The following ANKRD17 variants were observed in gnomAD, a reference collection of about 807,000 sequenced individuals.
ANKRD17 encodes the protein ankyrin repeat domain-containing protein 17.
In ANKRD17, 19 loss-of-function variants were observed where a neutral mutation model predicts 229.7. That is an observed-to-expected ratio of 0.08 (90% CI 0.06 to 0.12). The LOEUF is 0.12. Ranked by LOEUF, ANKRD17 falls within the 10% of genes least tolerant of loss-of-function variation. ANKRD17 has a pLI of 1.00. For synonymous variants in ANKRD17, 1,112 were observed against 1,146.1 expected, an observed-to-expected ratio of 0.97 and a Z score of 0.60; for missense variants, 2,176 against 3,176.8, an observed-to-expected ratio of 0.68 and a Z score of 7.57.
intron 1 of ANKRD17, among the ~76,000 whole-genome samples, chr4:73,200,987 C>CG (rs55813807): frequency 0.14 from 5,334 of 39,220 alleles, 442 homozygotes; most frequent in African/African-American, 0.29. Context: ...ACAGTATGGG[C>CG]GGGGGGGGGG....
At chr4:73,094,720 A>ATT (rs1723118392) in intron 27 of ANKRD17, among the ~76,000 whole-genome samples, 1 of 112,612 alleles carries the variant, frequency 8.9e-6, no homozygotes, top group Admixed American at 1.0e-4. Context: ...ACATGTATAT[A>ATT]TGTGTATATA....
In ANKRD17 at chr4:73,230,537, C is replaced by A. The variant is rs539074809; in HGVS notation, c.393+27739G>T. 2.4e-3 allele frequency among the ~76,000 whole-genome samples: 366 copies of A among 152,232 alleles called. 2 individuals are homozygous for A. The highest frequency in any genetic ancestry group is 0.016 in the South Asian group (76 of 4,820). ...AAGAGGCTATAATCTAGAACACAATCCTGATTCTTGACAATGTTTAATACT... is the reference window on the plus strand; with the variant it reads ...AAGAGGCTATAATCTAGAACACAATACTGATTCTTGACAATGTTTAATACT... On this transcript the variant is annotated intron_variant, in intron 1 of 33. Transcript: ENST00000358602.
intron 1 of ANKRD17, among the ~76,000 whole-genome samples, chr4:73,250,407 C>T (rs979297600): frequency 1.3e-5 from 2 of 151,482 alleles, no homozygotes; most frequent in African/African-American, 4.9e-5. Flanking sequence ...TTGCGACCAG[C>T]CGGGCAAACA....
intron 25 of ANKRD17, chr4:73,098,742 G>A (rs1723593715): frequency 1.0e-6 from 1 of 967,572 alleles, no homozygotes; most frequent in East Asian, 2.6e-5. Context: ...AATATTTTGG[G>A]GGGCATTTCT....
At chr4:73,258,173 G>A in intron 1 of ANKRD17, 103 bp downstream of exon 1, 6 of 1,565,098 alleles carry the variant, frequency 3.8e-6, no homozygotes, top group Non-Finnish European at 4.3e-6. Context: ...GCCCCTAAGA[G>A]ATCAACCCAC....
chr4:73,193,641 C>T (rs751559096), intron 1 of ANKRD17, among the ~76,000 whole-genome samples: 1 of 152,100 alleles, frequency 6.6e-6, no homozygotes, highest in South Asian at 2.1e-4. Context: ...TCTGTTAAAA[C>T]CTTTTCCTGG....
At chr4:73,100,752 A>C (rs1371056035) in intron 25 of ANKRD17, 2 of 725,976 alleles carry the variant, frequency 2.8e-6, no homozygotes, top group Non-Finnish European at 3.4e-6. Flanking sequence ...AGAGGTATTT[A>C]CCATATTAAT....
chr4:73,103,109 A>G (rs1724203840), intron 24 of ANKRD17, among the ~76,000 whole-genome samples: 1 of 152,002 alleles, frequency 6.6e-6, no homozygotes, highest in Non-Finnish European at 1.5e-5. Context: ...TGTCAATGGG[A>G]AGGAATAAAT....
chr4:73,243,135 G>A (rs1014077811), intron 1 of ANKRD17, among the ~76,000 whole-genome samples: 2 of 152,182 alleles, frequency 1.3e-5, no homozygotes, highest in Non-Finnish European at 1.5e-5. Flanking sequence ...AACAAGGAGG[G>A]TCAGTGCTAC....
chr4:73,085,155 T>A, intron 30 of ANKRD17, 94 bp downstream of exon 30: 1 of 1,350,906 alleles, frequency 7.4e-7, no homozygotes, highest in Non-Finnish European at 1.0e-6. Context: ...CAAATTACCT[T>A]TTTATGGTAT....
intron 1 of ANKRD17, among the ~76,000 whole-genome samples, chr4:73,208,096 G>A (rs1450284267): frequency 6.6e-6 from 1 of 151,246 alleles, no homozygotes; most frequent in Non-Finnish European, 1.5e-5. Context: ...GGCTGAGGCA[G>A]GAGAATGGCG....
intron 25 of ANKRD17, chr4:73,098,899 G>C (rs1723613306): frequency 1.7e-6 from 2 of 1,189,102 alleles, no homozygotes; most frequent in South Asian, 1.2e-5. Context: ...AGCGGGGCCG[G>C]GGCAGGCCCC....
At chr4:73,097,587 A>G (rs1479852410) in intron 26 of ANKRD17, among the ~76,000 whole-genome samples, 2 of 151,976 alleles carry the variant, frequency 1.3e-5, no homozygotes, top group African/African-American at 4.8e-5. Context: ...GGTGCATGCC[A>G]TCACATTGGC....
intron 11 of ANKRD17, among the ~76,000 whole-genome samples, chr4:73,143,303 T>C (rs1729836114): frequency 6.6e-6 from 1 of 152,214 alleles, no homozygotes; most frequent in Non-Finnish European, 1.5e-5. Flanking sequence ...CGTTTGTTGT[T>C]TTCGTAGAAA....
At chr4:73,178,000 T>C (rs2148996214) in intron 1 of ANKRD17, among the ~76,000 whole-genome samples, 1 of 152,244 alleles carries the variant, frequency 6.6e-6, no homozygotes, top group East Asian at 1.9e-4. Flanking sequence ...AATATCACTA[T>C]CAAAAAATCA....
At chr4:73,147,012 G>C in intron 9 of ANKRD17, 139 bp from the exon 10 acceptor site, 2 of 797,156 alleles carry the variant, frequency 2.5e-6, no homozygotes, top group Non-Finnish European at 3.8e-6. Context: ...CAGAAACAGA[G>C]AATATTGTAG....
intron 2 of ANKRD17, among the ~76,000 whole-genome samples, chr4:73,175,094 A>G (rs1734552431): frequency 6.6e-6 from 1 of 152,208 alleles, no homozygotes; most frequent in East Asian, 1.9e-4. Context: ...CTGTTTTCAC[A>G]TTGCTATAAA....
intron 16 of ANKRD17, among the ~76,000 whole-genome samples, chr4:73,128,435 A>T (rs949232023): frequency 6.6e-6 from 1 of 152,238 alleles, no homozygotes; most frequent in African/African-American, 2.4e-5. Flanking sequence ...GGGTTTAAAG[A>T]GTAATTTAGG....
At chr4:73,212,346 A>G (rs1212169628) in intron 1 of ANKRD17, among the ~76,000 whole-genome samples, 1 of 152,234 alleles carries the variant, frequency 6.6e-6, no homozygotes, top group African/African-American at 2.4e-5. Flanking sequence ...CACTGTCAAC[A>G]TAATTCAGCA....
Sources: gnomAD v4.1 joint callset for allele counts (sites outside exome capture counted in the v4.1 genomes callset) on GRCh38, gnomAD v4.1.1 for gene constraint, MANE v1.5 for transcripts, NCBI Gene and HGNC (gene_info 2026-07-23, HGNC 2026-07-21) for gene names.